The following CCDC85C variants were observed in gnomAD, a reference collection of about 807,000 sequenced individuals.
CCDC85C encodes coiled-coil domain containing 85C, also known as coiled-coil domain-containing protein 85C.
In CCDC85C, 18 loss-of-function variants were observed where a neutral mutation model predicts 38.3. That is an observed-to-expected ratio of 0.47 (90% confidence interval 0.33 to 0.70). The LOEUF (loss-of-function observed/expected upper bound fraction) is 0.70. Ranked by LOEUF, CCDC85C falls within the 30% of genes least tolerant of loss-of-function variation. The pLI is 0.03. For missense variants in CCDC85C, 566 were observed against 621.2 expected (o/e 0.91, Z 0.94); for synonymous variants, 264 against 293.8 (o/e 0.90, Z 1.04).
Position 99,545,639 on chromosome 14 carries a change from T to G in CCDC85C, c.794-9551A>C, listed in dbSNP as rs1897791460. 6.6e-6 allele frequency among the ~76,000 whole-genome samples: 1 copy of G among 152,046 alleles called. No individual in the cohort carries two copies. The highest frequency in any genetic ancestry group is 1.5e-5 in the Non-Finnish European group (1 of 68,006). Reference sequence around the variant, plus strand: ...ACCAACCCCAACTTCACTGCTGAAGTTGGGAATCAGTGATAGATCTGGACT... The same window carrying G: ...ACCAACCCCAACTTCACTGCTGAAGGTGGGAATCAGTGATAGATCTGGACT... On this transcript the variant is annotated intron_variant, in intron 1 of 5. Coordinates refer to ENST00000380243, the MANE Select transcript of CCDC85C (RefSeq NM_001144995.2). The surrounding 1 kb of genome is among the most constrained non-coding windows in gnomAD (Gnocchi z 4.7).
rs2055245715 is a variant in CCDC85C at position 99,604,065 on chromosome 14, G to A, written c.-106C>T. 7 of 971,684 alleles carry A rather than the reference G, an allele frequency of 7.2e-6. No individual in the cohort carries two copies. The highest frequency in any genetic ancestry group is 4.7e-5 in the South Asian group (1 of 21,096). The allele number at this position is 971,684 out of a possible 1,614,324, so 60.2% of individuals were successfully genotyped here. A position where few individuals can be genotyped will look rare whatever the true frequency, so the allele number is the denominator to read the frequency against. On this transcript the variant is annotated 5_prime_UTR_variant, in exon 1 of 6. Transcript: ENST00000380243. ...GCGCGCGGGCGGGGGGCGGCCGGGG[G>A]CGCGTGCGGCCCGCCCCGCGCCGCC... is the stretch of plus-strand genomic sequence containing the variant.
chr14:99,602,301 G>A (rs1047029316), intron 1 of CCDC85C, among the ~76,000 whole-genome samples: 2 of 152,202 alleles, frequency 1.3e-5, no homozygotes, highest in East Asian at 1.9e-4. Context: ...TGCACTGGGC[G>A]CAGCAGTAAC....
intron 1 of CCDC85C, among the ~76,000 whole-genome samples, chr14:99,537,550 C>T (rs1187372405): frequency 6.6e-6 from 1 of 152,172 alleles, no homozygotes; most frequent in Non-Finnish European, 1.5e-5. Context: ...TGGAGCCCGG[C>T]CCGGCCGCAC....
chr14:99,578,515 C>CTG (rs76197773), intron 1 of CCDC85C, among the ~76,000 whole-genome samples: 2,484 of 151,890 alleles, frequency 0.016, 37 homozygotes, highest in Middle Eastern at 0.027. Flanking sequence ...ACTCCCATCA[C>CTG]TGTGTGTGTG....
chr14:99,592,538 A>G (rs574262727), intron 1 of CCDC85C, among the ~76,000 whole-genome samples: 6 of 152,300 alleles, frequency 3.9e-5, no homozygotes, highest in African/African-American at 1.4e-4. Context: ...ACACCACCCC[A>G]TTCTGGAAGA....
At chr14:99,583,502 C>CAAA (rs35333670) in intron 1 of CCDC85C, among the ~76,000 whole-genome samples, 19 of 85,394 alleles carry the variant, frequency 2.2e-4, no homozygotes, top group South Asian at 4.1e-4. Flanking sequence ...AACTCCTTCT[C>CAAA]AAAAAAAAAA....
intron 3 of CCDC85C, among the ~76,000 whole-genome samples, chr14:99,518,013 C>G (rs573344103): frequency 1.3e-5 from 2 of 152,300 alleles, no homozygotes; most frequent in East Asian, 3.9e-4. Flanking sequence ...AGGACATCTT[C>G]GGGGCTCCCA....
At position 99,516,122 on chromosome 14, in the gene CCDC85C, C is replaced by T. The variant is rs1595335689; in HGVS notation, c.1170+66G>A. On this transcript the variant is annotated intron_variant, in intron 5 of 5. Transcript: ENST00000380243. This position sits in a 1 kb window ranked among gnomAD's most constrained non-coding sequence, Gnocchi z 5.5. Reference sequence around the variant, plus strand: ...AGTCCCACATGGGGAAGGGTATGGCCATGCTGGGTGGCCCTGGTCGCACTC... The same window carrying T: ...AGTCCCACATGGGGAAGGGTATGGCTATGCTGGGTGGCCCTGGTCGCACTC... 16 of 1,217,670 alleles carry T rather than the reference C, an allele frequency of 1.3e-5. No individual in the cohort carries two copies. In the East Asian group the frequency reaches 4.1e-4, roughly 31 times the overall value. The allele number at this position is 1,217,670 out of a possible 1,614,324, so 75.4% of individuals were successfully genotyped here.
Position 99,568,255 on chromosome 14 carries a change from T to A in CCDC85C, c.794-32167A>T, listed in dbSNP as rs529697213. On this transcript the variant is annotated intron_variant, in intron 1 of 5. Transcript: ENST00000380243. ...CTGGAGGCCACCTGCCCTTTATTTT[T>A]TTTTTTTTTTTTTTTGAGACAAAGT... Among the ~76,000 whole-genome samples the A allele has an allele frequency of 4.6e-4, 62 of 135,968 alleles. 2 individuals carry two copies. In the East Asian group the frequency reaches 5.6e-3, roughly 12 times the overall value. The allele number at this position is 135,968 out of a possible 152,430, so 89.2% of individuals were successfully genotyped here.
chr14:99,515,421 A>G lies in CCDC85C; in HGVS notation c.1171-86T>C, dbSNP rs947655040. ...ACATCCGCCGCCTCATCACGGCAGA[A>G]TCACCCACGTCCTCAGAGCCATGGG... On this transcript the variant is annotated intron_variant, in intron 5 of 5. Transcript: ENST00000380243. 46 of 956,358 alleles carry G rather than the reference A, an allele frequency of 4.8e-5. No homozygotes were observed. The South Asian group carries it at 5.0e-4, about 10-fold the overall frequency. The allele number at this position is 956,358 out of a possible 1,614,324, so 59.2% of individuals were successfully genotyped here. A position where few individuals can be genotyped will look rare whatever the true frequency, so the allele number is the denominator to read the frequency against.
chr14:99,602,336 C>G (rs1187620352), intron 1 of CCDC85C, among the ~76,000 whole-genome samples: 2 of 152,198 alleles, frequency 1.3e-5, no homozygotes, highest in Non-Finnish European at 2.9e-5. Context: ...CAGAAGCTGA[C>G]AGAGGCCAAA....
intron 1 of CCDC85C, among the ~76,000 whole-genome samples, chr14:99,557,788 G>A (rs914954377): frequency 4.6e-5 from 7 of 152,094 alleles, no homozygotes; most frequent in African/African-American, 1.4e-4. Context: ...GGTGGTGCAC[G>A]CCTGTAATCC....
intron 1 of CCDC85C, among the ~76,000 whole-genome samples, chr14:99,582,413 G>A (rs2054982141): frequency 6.6e-6 from 1 of 152,162 alleles, no homozygotes; most frequent in Admixed American, 6.5e-5. Flanking sequence ...ATATCACGTG[G>A]CAAAATGTGT....
At chr14:99,526,842 AG>A (rs1252140101) in intron 2 of CCDC85C, among the ~76,000 whole-genome samples, 1 of 152,162 alleles carries the variant, frequency 6.6e-6, no homozygotes, top group Non-Finnish European at 1.5e-5. Flanking sequence ...CTGGAAGCAG[AG>A]GCTCGAATGC....
At position 99,588,226 on chromosome 14, in the gene CCDC85C, C is replaced by T. The variant is rs888702886; in HGVS notation, c.793+14941G>A. On this transcript the variant is annotated intron_variant, in intron 1 of 5. Transcript: ENST00000380243. This position sits in a 1 kb window ranked among gnomAD's most constrained non-coding sequence, Gnocchi z 5.0. ...AGTCTTTCCCACTACAAAGGAATGC[C>T]GAGTCCAACCTGCTTGGGATGCAGC... Among the ~76,000 whole-genome samples, 2 of 152,080 alleles carry T rather than the reference C, an allele frequency of 1.3e-5. No homozygotes were observed. The highest frequency in any genetic ancestry group is 1.3e-4 in the Admixed American group (2 of 15,282).
intron 1 of CCDC85C, among the ~76,000 whole-genome samples, chr14:99,563,518 G>A (rs1460947534): frequency 5.9e-5 from 9 of 152,250 alleles, no homozygotes; most frequent in Non-Finnish European, 1.2e-4. Context: ...GAATAACTCG[G>A]GCAGGTACAT....
chr14:99,547,825 T>C (rs1595356609), intron 1 of CCDC85C, among the ~76,000 whole-genome samples: 1 of 151,876 alleles, frequency 6.6e-6, no homozygotes, highest in Non-Finnish European at 1.5e-5. Flanking sequence ...TATATATTTA[T>C]GGGTATATGT....
chr14:99,603,201 C>T lies in CCDC85C; in HGVS notation c.759G>A (p.Pro253=), dbSNP rs1435252378. The T allele has an allele frequency of 4.2e-6, 6 of 1,425,546 alleles. No homozygotes were observed. The highest frequency in any genetic ancestry group is 5.5e-6 in the Non-Finnish European group (6 of 1,091,836). 88.3% of individuals were successfully genotyped at this position (1,425,546 alleles called of 1,614,324 possible). ...TRRSLDDLSA[P]PHHRSIPNGL... ...CGTTGGGGATGCTGCGGTGGTGCGG[C>T]GGCGCCGACAAGTCGTCCAGGGACC... is the stretch of plus-strand genomic sequence containing the variant. The change falls in exon 1 of 6, where the codon CCG becomes CCA. Residue 253 remains proline, a synonymous_variant. Transcript: ENST00000380243. This position sits in a 1 kb window ranked among gnomAD's most constrained non-coding sequence, Gnocchi z 7.5.
At chr14:99,524,195 A>G (rs941996842) in intron 2 of CCDC85C, among the ~76,000 whole-genome samples, 2 of 151,974 alleles carry the variant, frequency 1.3e-5, no homozygotes, top group African/African-American at 4.8e-5. Context: ...CTAAGCCAGC[A>G]CACACTCTGA....
Sources: allele counts gnomAD v4.1 joint callset (sites outside exome capture counted in the v4.1 genomes callset), GRCh38; gene constraint gnomAD v4.1.1; non-coding constraint Gnocchi (gnomAD v3.1); transcripts MANE v1.5; gene names NCBI Gene and HGNC (gene_info 2026-07-23, HGNC 2026-07-21).